WDPCP: variants seen among roughly 807,000 people sequenced by gnomAD.
The protein encoded by WDPCP is WD repeat-containing and planar cell polarity effector protein fritz homolog.
Under a neutral mutation model 93.1 loss-of-function variants are expected in WDPCP, and 71 were observed. The observed-to-expected ratio is 0.76, with a 90% CI of 0.63 to 0.93. The LOEUF is 0.93. Among genes scored for constraint, WDPCP ranks in the 40% least tolerant of loss-of-function variants. The pLI, the probability that WDPCP is intolerant of heterozygous loss-of-function variation, is 0.00. For synonymous variants in WDPCP, 315 were observed against 315.0 expected (o/e 1.00, Z 0.00); for missense variants, 844 against 887.4 (o/e 0.95, Z 0.62).
chr2:63,408,367 A>G (rs887700162), intron 9 of WDPCP, among the ~76,000 whole-genome samples: 2 of 152,132 alleles, frequency 1.3e-5, no homozygotes, highest in African/African-American at 4.8e-5. Flanking sequence ...CTTAACTGGA[A>G]GTGAGTCAAT....
intron 10 of WDPCP, among the ~76,000 whole-genome samples, chr2:63,396,896 A>G (rs1329585874): frequency 2.0e-5 from 3 of 152,172 alleles, no homozygotes; most frequent in East Asian, 1.9e-4. Flanking sequence ...GCTCCCACTT[A>G]TAAGTAAGAA....
At chr2:63,700,839 C>T (rs1669037361) in intron 2 of WDPCP, among the ~76,000 whole-genome samples, 1 of 152,026 alleles carries the variant, frequency 6.6e-6, no homozygotes, top group African/African-American at 2.4e-5. Context: ...GAAACTAGAC[C>T]TCTATCTCTC....
Position 63,543,833 on chromosome 2 carries a change from A to T in WDPCP, c.75+44364T>A, listed in dbSNP as rs529940299. 2.0e-5 allele frequency among the ~76,000 whole-genome samples: 3 copies of T among 152,256 alleles called. No individual in the cohort carries two copies. In the East Asian group the frequency reaches 5.8e-4, roughly 29 times the overall value. On this transcript the variant is annotated intron_variant, in intron 1 of 17. Transcript: ENST00000272321. ...AGAATAATTTGAAATAGTAGAAGGT[A>T]AGCCTCTTTAATTGTAGTCAGAGAG...
chr2:63,702,818 C>T lies in WDPCP; in HGVS notation n.309-51980G>A, dbSNP rs368566037. On this transcript the variant is annotated intron_variant and non_coding_transcript_variant, in intron 2 of 4. Coordinates refer to the WDPCP transcript ENST00000467687. ...CATGTGACATGTTGGTGTGCTGCAC[C>T]GATTAACTCGTCATTTAGCATTGGG... is the stretch of plus-strand genomic sequence containing the variant. Among the ~76,000 whole-genome samples, 16 of 151,756 alleles carry T rather than the reference C, an allele frequency of 1.1e-4. No individual in the cohort carries two copies. In the East Asian group the frequency reaches 1.4e-3, roughly 13 times the overall value.
At chr2:63,169,542 TA>T (rs1247556062) in intron 15 of WDPCP, among the ~76,000 whole-genome samples, 4 of 152,348 alleles carry the variant, frequency 2.6e-5, no homozygotes, top group East Asian at 3.9e-4. Context: ...ATGATTAATT[TA>T]AAAAATGTTT....
intron 1 of WDPCP, among the ~76,000 whole-genome samples, chr2:63,566,038 A>G (rs1272655555): frequency 6.6e-6 from 1 of 152,222 alleles, no homozygotes; most frequent in African/African-American, 2.4e-5. Context: ...ATCCTTTAAG[A>G]TATAAAATGG....
At chr2:63,326,662 GAGAC>G (rs749327186) in intron 12 of WDPCP, among the ~76,000 whole-genome samples, 1 of 139,202 alleles carries the variant, frequency 7.2e-6, no homozygotes. Flanking sequence ...AAGTGACAGA[GAGAC>G]AGAGAGAGAG....
rs532787540 is a variant in WDPCP at position 63,412,295 on chromosome 2, T to C, written c.826-7638A>G. Among the ~76,000 whole-genome samples the C allele has an allele frequency of 6.6e-5, 10 of 152,322 alleles. No individual in the cohort carries two copies. In the South Asian group the frequency reaches 2.1e-3, roughly 32 times the overall value. On this transcript the variant is annotated intron_variant, in intron 9 of 17. Coordinates refer to ENST00000272321, the MANE Select transcript of WDPCP (RefSeq NM_015910.7). ...AACAAAAATCACATGATCATCTCAATAGATACAGAAAAAGCATTTGACAAA... is the reference window on the plus strand; with the variant it reads ...AACAAAAATCACATGATCATCTCAACAGATACAGAAAAAGCATTTGACAAA...
intron 2 of WDPCP, among the ~76,000 whole-genome samples, chr2:63,812,867 G>GA (rs1277097435): frequency 2.0e-5 from 3 of 150,552 alleles, no homozygotes; most frequent in Non-Finnish European, 3.0e-5. Context: ...GTAAGTTTTA[G>GA]AAAAAAAATC....
intron 1 of WDPCP, among the ~76,000 whole-genome samples, chr2:63,551,641 C>T (rs1705654534): frequency 6.6e-6 from 1 of 152,172 alleles, no homozygotes. Context: ...TTTATAGCAA[C>T]ATAAATGGAC....
upstream of WDPCP, among the ~76,000 whole-genome samples, chr2:63,828,717 G>A (rs530608853): frequency 6.6e-6 from 1 of 152,174 alleles, no homozygotes; most frequent in South Asian, 2.1e-4. Flanking sequence ...TTTTCTTTGT[G>A]ACAATGATAC....
chr2:63,722,923 C>A (rs1312735223), intron 2 of WDPCP, among the ~76,000 whole-genome samples: 1 of 151,952 alleles, frequency 6.6e-6, no homozygotes, highest in Non-Finnish European at 1.5e-5. Flanking sequence ...GGAGACTTTT[C>A]ATTTTGTTCT....
chr2:63,369,199 T>G (rs1691181452), intron 12 of WDPCP: 1 of 323,854 alleles, frequency 3.1e-6, no homozygotes, highest in Admixed American at 3.8e-5. Flanking sequence ...CCATCTCCAG[T>G]ACATACTAAT....
At chr2:63,640,383 A>G (rs897241579) in intron 3 of WDPCP, among the ~76,000 whole-genome samples, 2 of 152,172 alleles carry the variant, frequency 1.3e-5, no homozygotes, top group African/African-American at 4.8e-5. Flanking sequence ...AGTCCCAGCT[A>G]TTCAGGTGGC....
chr2:63,833,424 A>C, the WDPCP span, among the ~76,000 whole-genome samples: 1 of 152,086 alleles, frequency 6.6e-6, no homozygotes, highest in Non-Finnish European at 1.5e-5. Context: ...AAAAAAAAAG[A>C]CCTATTTTCC....
intron 3 of WDPCP, among the ~76,000 whole-genome samples, chr2:63,645,260 C>T (rs773576247): frequency 5.9e-5 from 9 of 152,268 alleles, no homozygotes; most frequent in East Asian, 1.9e-4. Context: ...TTTATTCACA[C>T]GCTCATCACT....
At position 63,404,406 on chromosome 2, in the gene WDPCP, A is replaced by G; in HGVS notation, c.1077T>C (p.Ser359=). 1 of 1,614,212 alleles carries G rather than the reference A, an allele frequency of 6.2e-7. No homozygotes were observed. The highest frequency in any genetic ancestry group is 1.3e-5 in the African/African-American group (1 of 75,070). ...EDKLILGCED[S]SLILYETHRR... Reference sequence around the variant, plus strand: ...GGTGAGTTTCATAAAGAATTAGCGAAGAATCTTCACAGCCCAGAATCAGTT... The same window carrying G: ...GGTGAGTTTCATAAAGAATTAGCGAGGAATCTTCACAGCCCAGAATCAGTT... Residue 359 remains serine (S), a synonymous_variant, in exon 10 of 18, where the codon TCT becomes TCC. Coordinates refer to ENST00000272321, the MANE Select transcript of WDPCP (RefSeq NM_015910.7).
intron 1 of WDPCP, among the ~76,000 whole-genome samples, chr2:63,521,985 G>C (rs550190685): frequency 4.7e-4 from 71 of 152,148 alleles, no homozygotes; most frequent in Non-Finnish European, 9.1e-4. Context: ...AAACTAATGA[G>C]AACAAAGATA....
chr2:63,317,896 A>G (rs966370227), intron 12 of WDPCP, among the ~76,000 whole-genome samples: 1 of 152,216 alleles, frequency 6.6e-6, no homozygotes, highest in African/African-American at 2.4e-5. Context: ...AACTGCAACA[A>G]AAACAAAAAA....
Sources: allele counts gnomAD v4.1 joint callset (sites outside exome capture counted in the v4.1 genomes callset), GRCh38; gene constraint gnomAD v4.1.1; transcripts MANE v1.5; gene names NCBI Gene and HGNC (gene_info 2026-07-23, HGNC 2026-07-21).